CACNG7: variants seen among roughly 807,000 people sequenced by gnomAD.
CACNG7 encodes voltage-dependent calcium channel gamma-7 subunit.
A neutral mutation model predicts 26.3 loss-of-function variants in CACNG7; 9 were observed. The ratio of observed to expected loss-of-function variants is 0.34; its 90% CI spans 0.21 to 0.60. The LOEUF is 0.60. CACNG7 is among the 20% of genes least tolerant of loss of function. The pLI is 0.81. For synonymous variants in CACNG7, 170 were observed against 157.0 expected (o/e 1.08, Z -0.62); for missense variants, 297 against 380.4 (o/e 0.78, Z 1.82).
intron 4 of CACNG7, among the ~76,000 whole-genome samples, chr19:53,923,359 G>T (rs1402378519): frequency 4.6e-5 from 4 of 86,716 alleles, no homozygotes; most frequent in African/African-American, 2.6e-4. Flanking sequence ...TGGTGGAGTT[G>T]CCCCAGGTCT....
Position 53,925,163 on chromosome 19 carries a change from G to T in CACNG7, c.424+9658G>T, listed in dbSNP as rs368215512. Among the ~76,000 whole-genome samples, 2 of 109,416 alleles carry T rather than the reference G, an allele frequency of 1.8e-5. 1 individual carries two copies. The highest frequency in any genetic ancestry group is 3.6e-5 in the Non-Finnish European group (2 of 54,840). The allele number at this position is 109,416 out of a possible 152,430, so 71.8% of individuals were successfully genotyped here. The stretch of plus-strand genomic sequence containing the variant: ...CTGGTCATTGGTGGACTTGCCCCAG[G>T]TCTGGTCATTGGTGAAGTTGCCCCA... On this transcript the variant is annotated intron_variant, in intron 4 of 5. Transcript: ENST00000391767.
intron 4 of CACNG7, among the ~76,000 whole-genome samples, chr19:53,920,198 T>C (rs1461813551): frequency 1.9e-5 from 1 of 52,392 alleles, no homozygotes; most frequent in Non-Finnish European, 3.3e-5. Context: ...TTGCCCCAGG[T>C]CTGGTCATTG....
intron 4 of CACNG7, among the ~76,000 whole-genome samples, chr19:53,928,494 C>G (rs1188935754): frequency 2.0e-5 from 3 of 151,608 alleles, no homozygotes; most frequent in African/African-American, 7.3e-5. Flanking sequence ...AGGCTGGTCT[C>G]GAACTCCTGA....
chr19:53,925,282 G>T (rs1272447926), intron 4 of CACNG7, among the ~76,000 whole-genome samples: 2 of 145,794 alleles, frequency 1.4e-5, no homozygotes, highest in Non-Finnish European at 3.0e-5. Context: ...CTGGTCATTG[G>T]TGGAGTTGTC....
intron 4 of CACNG7, among the ~76,000 whole-genome samples, chr19:53,929,162 G>A (rs1328163803): frequency 6.6e-6 from 1 of 151,518 alleles, no homozygotes; most frequent in Non-Finnish European, 1.5e-5. Flanking sequence ...CTGAGCTGGG[G>A]CAAGGGACTT....
intron 4 of CACNG7, among the ~76,000 whole-genome samples, chr19:53,916,094 C>T (rs2068895599): frequency 1.3e-5 from 2 of 152,228 alleles, no homozygotes; most frequent in Non-Finnish European, 1.5e-5. Flanking sequence ...GTCTGTCCAT[C>T]TGTCTATATG....
chr19:53,920,380 T>C lies in CACNG7; in HGVS notation c.424+4875T>C, dbSNP rs370163496. Among the ~76,000 whole-genome samples the C allele has an allele frequency of 3.1e-3, 194 of 63,466 alleles. 1 individual carries two copies. Among genetic ancestry groups the C allele is most frequent in the African/African-American group, 7.2e-3 (81 of 11,242 alleles). The allele number at this position is 63,466 out of a possible 152,430, so 41.6% of individuals were successfully genotyped here. On this transcript the variant is annotated intron_variant, in intron 4 of 5. Coordinates refer to ENST00000391767, the MANE Select transcript of CACNG7 (RefSeq NM_031896.5). ...AGGTCTGGTCATTGGTGGAGTTGCC[T>C]CAGGTCTGGTCATTGGTGGACTTGC... is the stretch of plus-strand genomic sequence containing the variant.
chr19:53,937,156 C>T (rs307919), intron 4 of CACNG7, among the ~76,000 whole-genome samples: 130,687 of 152,196 alleles, frequency 0.86, 56,199 homozygotes, highest in East Asian at 0.97. Context: ...TCCCGAGGTG[C>T]GGAGATTCCA....
chr19:53,925,692 C>G (rs993776102), intron 4 of CACNG7, among the ~76,000 whole-genome samples: 1 of 152,362 alleles, frequency 6.6e-6, no homozygotes, highest in Admixed American at 6.5e-5. Flanking sequence ...ACGGTCACAG[C>G]TGCGCATTAA....
intron 4 of CACNG7, among the ~76,000 whole-genome samples, chr19:53,919,975 T>G (rs2068928212): frequency 1.6e-5 from 2 of 125,636 alleles, no homozygotes; most frequent in Non-Finnish European, 3.2e-5. Flanking sequence ...ATTGGTGGAG[T>G]TGTCCCCAGG....
Position 53,942,253 on chromosome 19 carries a change from A to C in CACNG7, c.788A>C (p.Lys263Thr). 1 of 1,613,582 alleles carries C rather than the reference A, an allele frequency of 6.2e-7. No individual in the cohort carries two copies. Among genetic ancestry groups the C allele is most frequent in the East Asian group, 2.2e-5 (1 of 44,842 alleles). Residue 263 changes from lysine (K) to threonine (T), a missense_variant, in exon 6 of 6, where the codon AAG (lysine) becomes ACG (threonine). Coordinates refer to ENST00000391767, the MANE Select transcript of CACNG7 (RefSeq NM_031896.5). This position sits in a 1 kb window ranked among gnomAD's most constrained non-coding sequence, Gnocchi z 5.9. The part of the protein sequence containing the change: ...QMTQNYPPAI[K>T]YPDHLHISTS... ...ACGCAGAACTACCCTCCCGCCATCA[A>C]GTACCCGGACCACCTGCACATCTCC...
At chr19:53,921,929 T>TCCCCAGGTCTGGTATTGGTGGAGTTGC (rs2068959991) in intron 4 of CACNG7, among the ~76,000 whole-genome samples, 2 of 94,696 alleles carry the variant, frequency 2.1e-5, no homozygotes, top group Admixed American at 9.1e-5. Context: ...GGTGGAGTTG[T>TCCCCAGGTCTGGTATTGGTGGAGTTGC]CCCCAGGTCT....
At chr19:53,925,156 GC>G (rs1457660233) in intron 4 of CACNG7, among the ~76,000 whole-genome samples, 1 of 99,916 alleles carries the variant, frequency 1.0e-5, no homozygotes, top group African/African-American at 5.5e-5. Context: ...TGGTGGACTT[GC>G]CCCAGGTCTG....
chr19:53,934,181 G>A (rs575174523), intron 4 of CACNG7, among the ~76,000 whole-genome samples: 1 of 152,348 alleles, frequency 6.6e-6, no homozygotes, highest in South Asian at 2.1e-4. Flanking sequence ...ACAGGCGTGA[G>A]CCACTGCTCC....
chr19:53,943,439 G>A lies in CACNG7; in HGVS notation c.*1146G>A, dbSNP rs949501419. 6.7e-6 allele frequency: 1 copy of A among 149,768 alleles called. No homozygotes were observed. Among genetic ancestry groups the A allele is most frequent in the Non-Finnish European group, 1.5e-5 (1 of 67,362 alleles). 9.3% of individuals were successfully genotyped at this position (149,768 alleles called of 1,614,324 possible). A position where few individuals can be genotyped will look rare whatever the true frequency, so the allele number is the denominator to read the frequency against. ...ACCCCCCCTTATTAGGGAAAGAGGG[G>A]CGAGGTAGCACAGTGCTGTACACGG... On this transcript the variant is annotated 3_prime_UTR_variant, in exon 6 of 6. Transcript: ENST00000391767.
At position 53,942,670 on chromosome 19, in the gene CACNG7, T is replaced by G; in HGVS notation, c.*377T>G. The G allele has an allele frequency of 1.2e-6, 1 of 819,080 alleles. No homozygotes were observed. Among genetic ancestry groups the G allele is most frequent in the Non-Finnish European group, 1.5e-6 (1 of 649,560 alleles). The allele number at this position is 819,080 out of a possible 1,614,324, so 50.7% of individuals were successfully genotyped here. On this transcript the variant is annotated 3_prime_UTR_variant, in exon 6 of 6. Transcript: ENST00000391767. The surrounding 1 kb of genome is among the most constrained non-coding windows in gnomAD (Gnocchi z 5.9). ...CCCAGCTCCCCAGAGCTCCCCAACC[T>G]CGGACCTCACCGCAGGGGCGCTGGG...
intron 4 of CACNG7, among the ~76,000 whole-genome samples, chr19:53,923,413 G>A (rs149512938): frequency 1.1e-5 from 1 of 88,234 alleles, no homozygotes; most frequent in Non-Finnish European, 2.2e-5. Context: ...TGGTGGAGTT[G>A]TCCCCAGGTC....
intron 3 of CACNG7, 72 bp from the exon 4 acceptor site, chr19:53,915,293 A>G (rs900007434): frequency 2.6e-6 from 3 of 1,163,844 alleles, no homozygotes; most frequent in Admixed American, 3.4e-5. Context: ...GTGAGAGCAG[A>G]GGTCAAGGAA....
At chr19:53,925,722 G>C (rs964723939) in intron 4 of CACNG7, among the ~76,000 whole-genome samples, 4 of 152,256 alleles carry the variant, frequency 2.6e-5, no homozygotes, top group African/African-American at 9.6e-5. Flanking sequence ...AGGGACCTCT[G>C]CTGGGGATGG....
Sources: gnomAD v4.1 joint callset for allele counts (sites outside exome capture counted in the v4.1 genomes callset) on GRCh38, gnomAD v4.1.1 for gene constraint, Gnocchi (gnomAD v3.1) non-coding constraint, MANE v1.5 for transcripts, NCBI Gene and HGNC (gene_info 2026-07-23, HGNC 2026-07-21) for gene names.